Variants in RASGEF1A observed in about 807,000 individuals in gnomAD.
RASGEF1A encodes RasGEF domain family member 1A, also known as ras-GEF domain-containing family member 1A.
A neutral mutation model predicts 56.4 loss-of-function variants in RASGEF1A; 18 were observed. The ratio of observed to expected loss-of-function variants is 0.32; its 90% CI spans 0.22 to 0.47. The LOEUF is 0.47. RASGEF1A is among the 20% of genes least tolerant of loss of function. The pLI, the probability that RASGEF1A is intolerant of heterozygous loss-of-function variation, is 1.00. For missense variants in RASGEF1A, 422 were observed against 627.1 expected, an observed-to-expected ratio of 0.67 and a Z score of 3.49; for synonymous variants, 245 against 242.6, an observed-to-expected ratio of 1.01 and a Z score of -0.09.
intron 1 of RASGEF1A, among the ~76,000 whole-genome samples, chr10:43,241,981 C>CA (rs1450788365): frequency 2.6e-5 from 4 of 151,840 alleles, no homozygotes; most frequent in African/African-American, 7.3e-5. Context: ...ACTAAAAATA[C>CA]AAAAAAATTA....
intron 1 of RASGEF1A, among the ~76,000 whole-genome samples, chr10:43,214,303 G>A (rs758521455): frequency 1.3e-5 from 2 of 152,144 alleles, no homozygotes; most frequent in Non-Finnish European, 2.9e-5. Context: ...TTCCACTCCC[G>A]AATGTTCTTT....
At chr10:43,210,949 G>C (rs4998263) in intron 1 of RASGEF1A, among the ~76,000 whole-genome samples, 8,034 of 53,324 alleles carry the variant, frequency 0.15, 1,004 homozygotes, top group African/African-American at 0.27. Flanking sequence ...AGGCTTGCAC[G>C]CAGTAGCCCC....
intron 1 of RASGEF1A, among the ~76,000 whole-genome samples, chr10:43,222,481 C>T (rs1588939498): frequency 6.6e-6 from 1 of 152,196 alleles, no homozygotes; most frequent in South Asian, 2.1e-4. Context: ...GTCAGTCACA[C>T]CCACATAATG....
intron 1 of RASGEF1A, among the ~76,000 whole-genome samples, chr10:43,224,704 A>G (rs578105916): frequency 5.3e-5 from 8 of 152,360 alleles, no homozygotes; most frequent in Admixed American, 2.0e-4. Flanking sequence ...GCCAAAGACA[A>G]CTGCTATTAT....
rs773115236 is a variant in RASGEF1A at position 43,200,287 on chromosome 10, C to T, written c.682-31G>A. The stretch of plus-strand genomic sequence containing the variant: ...GTGGAAGATAGCAAAGGGAAGGTGA[C>T]AAGCTTCCCCTGGAGAAGGGACAGC... On this transcript the variant is annotated intron_variant, in intron 5 of 12. Coordinates refer to ENST00000395810, the MANE Select transcript of RASGEF1A (RefSeq NM_145313.4). 6.4e-6 allele frequency: 10 copies of T among 1,554,982 alleles called. No homozygotes were observed. In the East Asian group the frequency reaches 1.8e-4, roughly 29 times the overall value.
chr10:43,224,261 G>C lies in RASGEF1A; in HGVS notation c.-6-18139C>G, dbSNP rs117072808. ...AAAGCCTTCCTATTCATTTTATAAA[G>C]CTAAAATAGCATGATTTATAAATGT... On this transcript the variant is annotated intron_variant, in intron 1 of 12. Coordinates refer to ENST00000395810, the MANE Select transcript of RASGEF1A (RefSeq NM_145313.4). 3.3e-5 allele frequency among the ~76,000 whole-genome samples: 5 copies of C among 151,964 alleles called. No homozygotes were observed. The East Asian group carries it at 9.6e-4, about 29-fold the overall frequency.
intron 1 of RASGEF1A, among the ~76,000 whole-genome samples, chr10:43,253,977 T>C (rs1840656949): frequency 6.6e-6 from 1 of 152,200 alleles, no homozygotes; most frequent in Admixed American, 6.5e-5. Flanking sequence ...CACCCGGCAG[T>C]GCCCCTAAGC....
chr10:43,198,746 G>A (rs1279744804), intron 9 of RASGEF1A, among the ~76,000 whole-genome samples, 187 bp downstream of exon 9: 1 of 152,232 alleles, frequency 6.6e-6, no homozygotes, highest in African/African-American at 2.4e-5. Context: ...TCTGCCTGAA[G>A]TAACCGAGGA....
chr10:43,262,101 C>T (rs1836539108), intron 1 of RASGEF1A, among the ~76,000 whole-genome samples: 1 of 152,130 alleles, frequency 6.6e-6, no homozygotes, highest in Admixed American at 6.5e-5. Context: ...GTCTGGGTAC[C>T]AGAGACCTGG....
At chr10:43,240,291 C>T (rs1840485379) in intron 1 of RASGEF1A, among the ~76,000 whole-genome samples, 1 of 152,170 alleles carries the variant, frequency 6.6e-6, no homozygotes, top group Admixed American at 6.5e-5. Flanking sequence ...ACAGACTTTG[C>T]AGAAGTAATC....
At chr10:43,245,726 A>G (rs1840560844) in intron 1 of RASGEF1A, among the ~76,000 whole-genome samples, 1 of 152,220 alleles carries the variant, frequency 6.6e-6, no homozygotes, top group Non-Finnish European at 1.5e-5. Context: ...GAAGATTTAA[A>G]AAAATGCTCA....
Position 43,198,091 on chromosome 10 carries a change from G to A in RASGEF1A, c.1137C>T (p.Ile379=), listed in dbSNP as rs998929081. The A allele has an allele frequency of 6.2e-6, 10 of 1,614,194 alleles. No homozygotes were observed. Among genetic ancestry groups the A allele is most frequent in the Non-Finnish European group, 8.5e-6 (10 of 1,179,992 alleles). Residue 379 remains isoleucine (I), a synonymous_variant, in exon 10 of 13, where the codon ATC becomes ATT. Coordinates refer to ENST00000395810, the MANE Select transcript of RASGEF1A (RefSeq NM_145313.4). ...CCTTAACGAAGAGGTTGAACACAGG[G>A]ATGACGATCTTTTCACGGCTGCTGT... ...MANSSREKIV[I]PVFNLFVKDI...
chr10:43,229,898 A>G (rs956553968), intron 1 of RASGEF1A, among the ~76,000 whole-genome samples: 1 of 151,872 alleles, frequency 6.6e-6, no homozygotes. Context: ...GGCTAGGAGC[A>G]TGGCGCGGAG....
intron 1 of RASGEF1A, among the ~76,000 whole-genome samples, chr10:43,247,880 G>A (rs1351739621): frequency 6.6e-6 from 1 of 151,890 alleles, no homozygotes; most frequent in African/African-American, 2.4e-5. Context: ...TGGCCAACAT[G>A]GTGAAACCCC....
intron 1 of RASGEF1A, chr10:43,206,596 C>T (rs1839999529): frequency 1.0e-6 from 1 of 995,384 alleles, no homozygotes; most frequent in Non-Finnish European, 1.2e-6. Context: ...GGAGGACAGT[C>T]TGAGGACTCA....
At chr10:43,216,133 G>A (rs1055904825) in intron 1 of RASGEF1A, among the ~76,000 whole-genome samples, 8 of 152,188 alleles carry the variant, frequency 5.3e-5, no homozygotes, top group African/African-American at 1.7e-4. Context: ...CAGGATCAGG[G>A]TCCCCAGCAG....
intron 1 of RASGEF1A, among the ~76,000 whole-genome samples, chr10:43,237,162 A>G (rs1278310943): frequency 2.0e-5 from 3 of 150,880 alleles, no homozygotes; most frequent in Non-Finnish European, 4.4e-5. Flanking sequence ...CTAGCCTTAT[A>G]GAGGATCTCA....
At chr10:43,239,853 G>T (rs1221355779) in intron 1 of RASGEF1A, among the ~76,000 whole-genome samples, 1 of 152,216 alleles carries the variant, frequency 6.6e-6, no homozygotes, top group Admixed American at 6.5e-5. Context: ...ACAATTACTG[G>T]TATTTAATTT....
intron 1 of RASGEF1A, among the ~76,000 whole-genome samples, chr10:43,259,393 T>C (rs967570624): frequency 1.4e-4 from 21 of 152,180 alleles, no homozygotes; most frequent in African/African-American, 3.9e-4. Flanking sequence ...TGCAGCCTTC[T>C]GCAGAAGACT....
Sources: gnomAD v4.1 joint callset for allele counts (sites outside exome capture counted in the v4.1 genomes callset) on GRCh38, gnomAD v4.1.1 for gene constraint, MANE v1.5 for transcripts, NCBI Gene and HGNC (gene_info 2026-07-23, HGNC 2026-07-21) for gene names.